LRMDA: variants seen among roughly 807,000 people sequenced by gnomAD.
LRMDA encodes the protein leucine rich melanocyte differentiation associated, also known as leucine-rich melanocyte differentiation-associated protein.
LRMDA carries 18 observed loss-of-function variants against 29.8 expected under a neutral mutation model. That is an observed-to-expected ratio of 0.60 (90% CI 0.42 to 0.90). The LOEUF (loss-of-function observed/expected upper bound fraction) is 0.90. LRMDA is among the 40% of genes least tolerant of loss of function. The pLI, the probability that LRMDA is intolerant of heterozygous loss-of-function variation, is 0.00. For missense variants in LRMDA, 273 were observed against 273.9 expected, an observed-to-expected ratio of 1.00 and a Z score of 0.02; for synonymous variants, 125 against 109.4, an observed-to-expected ratio of 1.14 and a Z score of -0.89.
intron 2 of LRMDA, among the ~76,000 whole-genome samples, chr10:76,006,858 A>G (rs1246343173): frequency 6.6e-6 from 1 of 152,182 alleles, no homozygotes; most frequent in Non-Finnish European, 1.5e-5. Flanking sequence ...GATGAGCCCC[A>G]CATTTTAGAG....
At chr10:76,277,208 CA>C (rs1840146778) in intron 5 of LRMDA, among the ~76,000 whole-genome samples, 1 of 152,012 alleles carries the variant, frequency 6.6e-6, no homozygotes, top group African/African-American at 2.4e-5. Context: ...ACTGCTGTAT[CA>C]GACGACTCTG....
At chr10:75,714,804 TC>T (rs1205216130) in intron 2 of LRMDA, among the ~76,000 whole-genome samples, 1 of 151,982 alleles carries the variant, frequency 6.6e-6, no homozygotes, top group African/African-American at 2.4e-5. Context: ...TTTCTTTTGT[TC>T]CCTTCCTCCT....
chr10:76,504,487 G>T lies in LRMDA; in HGVS notation c.602-52722G>T, dbSNP rs375423213. On this transcript the variant is annotated intron_variant, in intron 6 of 6. Coordinates refer to ENST00000611255, the MANE Select transcript of LRMDA (RefSeq NM_001305581.2). ...TTCTTGTAGTTGTTTTATGAATCTG[G>T]ATGCTCCAATGTTGGGTACATATAT... Among the ~76,000 whole-genome samples, 40 of 152,036 alleles carry T rather than the reference G, an allele frequency of 2.6e-4. No individual in the cohort carries two copies. The Middle Eastern group carries it at 0.01, about 39-fold the overall frequency.
chr10:75,664,981 A>G (rs1841803079), intron 2 of LRMDA, among the ~76,000 whole-genome samples: 1 of 152,196 alleles, frequency 6.6e-6, no homozygotes, highest in South Asian at 2.1e-4. Context: ...AGATGTGGAA[A>G]TTGAGACTCA....
chr10:75,462,261 AT>A (rs1163446886), intron 2 of LRMDA, among the ~76,000 whole-genome samples: 1 of 152,236 alleles, frequency 6.6e-6, no homozygotes, highest in Non-Finnish European at 1.5e-5. Context: ...AATTCATCAC[AT>A]TCGAGCCCAC....
intron 5 of LRMDA, among the ~76,000 whole-genome samples, chr10:76,243,847 A>T (rs547059371): frequency 1.3e-5 from 2 of 152,226 alleles, no homozygotes; most frequent in East Asian, 3.9e-4. Flanking sequence ...TATCCCTGGG[A>T]CCTGTGAATG....
At chr10:75,873,828 G>T (rs1438280840) in intron 2 of LRMDA, among the ~76,000 whole-genome samples, 1 of 152,176 alleles carries the variant, frequency 6.6e-6, no homozygotes, top group Non-Finnish European at 1.5e-5. Context: ...AGCAAGGAGA[G>T]GTGGCAGAAT....
intron 2 of LRMDA, among the ~76,000 whole-genome samples, chr10:75,744,529 A>G (rs7097617): frequency 0.37 from 56,096 of 152,082 alleles, 16,496 homozygotes; most frequent in African/African-American, 0.81. Flanking sequence ...TTCATTCCTC[A>G]TCAGAGTTAG....
chr10:76,325,924 A>G (rs962081270), intron 6 of LRMDA, among the ~76,000 whole-genome samples: 6 of 152,258 alleles, frequency 3.9e-5, no homozygotes, highest in Non-Finnish European at 7.3e-5. Flanking sequence ...ATTTGGAGTA[A>G]TATTTGGAAT....
chr10:75,698,734 GT>G, intron 2 of LRMDA, among the ~76,000 whole-genome samples: 2 of 151,826 alleles, frequency 1.3e-5, no homozygotes, highest in African/African-American at 4.8e-5. Context: ...TCAGTAATAG[GT>G]TTAATTTTAT....
At chr10:76,132,959 C>T (rs541585603) in intron 5 of LRMDA, among the ~76,000 whole-genome samples, 6 of 145,136 alleles carry the variant, frequency 4.1e-5, no homozygotes, top group East Asian at 2.0e-4. Context: ...TCCACCACCA[C>T]GCCCGGCTTT....
chr10:76,251,965 G>T (rs1477327951), intron 5 of LRMDA, among the ~76,000 whole-genome samples: 3 of 152,224 alleles, frequency 2.0e-5, no homozygotes, highest in Non-Finnish European at 4.4e-5. Context: ...CTGTTGCTGT[G>T]AATCGGGTCT....
chr10:75,610,487 TAC>T (rs1438770464), intron 2 of LRMDA, among the ~76,000 whole-genome samples: 1 of 151,444 alleles, frequency 6.6e-6, no homozygotes, highest in African/African-American at 2.4e-5. Flanking sequence ...CACCCCCACA[TAC>T]ACACACACAC....
At chr10:76,460,895 G>T (rs1456185576) in intron 6 of LRMDA, among the ~76,000 whole-genome samples, 2 of 152,192 alleles carry the variant, frequency 1.3e-5, no homozygotes, top group African/African-American at 4.8e-5. Context: ...ACTGCAAAGA[G>T]TACTGTATTC....
At chr10:75,956,595 A>G (rs1358713338) in intron 2 of LRMDA, among the ~76,000 whole-genome samples, 1 of 152,090 alleles carries the variant, frequency 6.6e-6, no homozygotes, top group East Asian at 1.9e-4. Context: ...AGGGTCCTCT[A>G]ATGCCCGTAG....
At chr10:75,780,137 A>G (rs990799403) in intron 2 of LRMDA, among the ~76,000 whole-genome samples, 6 of 152,314 alleles carry the variant, frequency 3.9e-5, no homozygotes, top group African/African-American at 1.4e-4. Flanking sequence ...TTTGGAGGGG[A>G]TGTGACCCTA....
At chr10:75,541,889 T>A (rs1366046791) in intron 2 of LRMDA, among the ~76,000 whole-genome samples, 1 of 152,150 alleles carries the variant, frequency 6.6e-6, no homozygotes, top group Non-Finnish European at 1.5e-5. Flanking sequence ...TCCCCACCTC[T>A]CTCTCCCCAA....
At chr10:76,347,102 T>C (rs1412680224) in intron 6 of LRMDA, among the ~76,000 whole-genome samples, 1 of 152,202 alleles carries the variant, frequency 6.6e-6, no homozygotes, top group Non-Finnish European at 1.5e-5. Context: ...TTATTACAGA[T>C]AGATAAAGGT....
chr10:75,518,512 T>A (rs556897409), intron 2 of LRMDA, among the ~76,000 whole-genome samples: 3 of 152,352 alleles, frequency 2.0e-5, no homozygotes, highest in Admixed American at 2.0e-4. Context: ...TATTCTCTGA[T>A]GGTAGTTTGT....
Sources: gnomAD v4.1 joint callset for allele counts (sites outside exome capture counted in the v4.1 genomes callset) on GRCh38, gnomAD v4.1.1 for gene constraint, MANE v1.5 for transcripts, NCBI Gene and HGNC (gene_info 2026-07-23, HGNC 2026-07-21) for gene names.